The following CPT1A variants were observed in gnomAD, a reference collection of about 807,000 sequenced individuals.
CPT1A encodes carnitine palmitoyltransferase 1A.
Under a neutral mutation model 100.8 loss-of-function variants are expected in CPT1A, and 64 were observed. The ratio of observed to expected loss-of-function variants is 0.63; its 90% CI spans 0.52 to 0.78. The LOEUF is 0.78. Among genes scored for constraint, CPT1A ranks in the 30% least tolerant of loss-of-function variants. The pLI is 0.00. For synonymous variants in CPT1A, 363 were observed against 396.0 expected, an observed-to-expected ratio of 0.92 and a Z score of 0.99; for missense variants, 802 against 1,034.1, an observed-to-expected ratio of 0.78 and a Z score of 3.08.
At position 68,784,901 on chromosome 11, in the gene CPT1A, C is replaced by T. The variant is rs1432015707; in HGVS notation, c.1077G>A (p.Met359Ile). 2.5e-6 allele frequency: 4 copies of T among 1,614,114 alleles called. No individual in the cohort carries two copies. The highest frequency in any genetic ancestry group is 1.1e-5 in the South Asian group (1 of 91,086). The part of the protein sequence containing the change: ...HDGRLLKPRE[M>I]EQQMQRILDN... ...CCAGGATCCTCTGCATCTGCTGCTCCATCTCCCGGGGCTTCAGCAGCCGCC... is the reference window on the plus strand; with the variant it reads ...CCAGGATCCTCTGCATCTGCTGCTCTATCTCCCGGGGCTTCAGCAGCCGCC... Residue 359 changes from methionine to isoleucine, a missense_variant, in exon 10 of 19, where the codon ATG (methionine) becomes ATA (isoleucine). This residue lies in a region of CPT1A where 627 missense variants were observed against 799.3 expected (regional missense o/e 0.78). Transcript: ENST00000265641.
At position 68,794,869 on chromosome 11, in the gene CPT1A, C is replaced by T. The variant is rs1195506902; in HGVS notation, c.814G>A (p.Ala272Thr). ...AGGATGGCATGGATGGCGTTGCCGGCTCTTGCTGCCTGAATGTGAGTTGGA... is the reference window on the plus strand; with the variant it reads ...AGGATGGCATGGATGGCGTTGCCGGTTCTTGCTGCCTGAATGTGAGTTGGA... ...ILPTHIQAAR[A>T]GNAIHAILLY... is the part of the protein sequence containing the mutation. The change falls in exon 8 of 19, where the codon GCC becomes ACC. Residue 272 changes from alanine (A) to threonine (T), a missense_variant. Physicochemically the swap from Ala to Thr is moderately conservative, Grantham distance 58. Transcript: ENST00000265641. 6.2e-6 allele frequency: 10 copies of T among 1,614,090 alleles called. No individual in the cohort carries two copies. The highest frequency in any genetic ancestry group is 1.3e-5 in the African/African-American group (1 of 74,950).
Position 68,755,077 on chromosome 11 carries a change from G to A in CPT1A, c.*2567C>T, listed in dbSNP as rs1320192099. 1 of 520,242 alleles carries A rather than the reference G, an allele frequency of 1.9e-6. No homozygotes were observed. Among genetic ancestry groups the A allele is most frequent in the Non-Finnish European group, 3.4e-6 (1 of 291,392 alleles). The allele number at this position is 520,242 out of a possible 1,614,324, so 32.2% of individuals were successfully genotyped here. Reference sequence around the variant, plus strand: ...AGATAATACTCTTATCACCCCCCTTGGACATGTACAATAAGACCCCTCTTT... The same window carrying A: ...AGATAATACTCTTATCACCCCCCTTAGACATGTACAATAAGACCCCTCTTT... On this transcript the variant is annotated 3_prime_UTR_variant, in exon 19 of 19. Transcript: ENST00000265641.
At chr11:68,807,441 C>T in intron 4 of CPT1A, 26 bp downstream of exon 4, 1 of 1,610,332 alleles carries the variant, frequency 6.2e-7, no homozygotes, top group Non-Finnish European at 8.5e-7. Context: ...TCCACCCCCT[C>T]CACAGCCAGA....
chr11:68,814,929 C>T (rs182108727), intron 2 of CPT1A, among the ~76,000 whole-genome samples: 25 of 152,114 alleles, frequency 1.6e-4, no homozygotes, highest in Non-Finnish European at 2.4e-4. Context: ...TCAAGCAATC[C>T]GCCCACCTCA....
chr11:68,822,077 G>C (rs1237455541), intron 1 of CPT1A, among the ~76,000 whole-genome samples: 1 of 152,120 alleles, frequency 6.6e-6, no homozygotes, highest in Non-Finnish European at 1.5e-5. Flanking sequence ...TTCCTCAAAA[G>C]CTTAAATACA....
At chr11:68,817,816 C>T (rs1352185805) in intron 1 of CPT1A, among the ~76,000 whole-genome samples, 2 of 130,390 alleles carry the variant, frequency 1.5e-5, no homozygotes, top group East Asian at 4.5e-4. Flanking sequence ...GGCAGGGTGT[C>T]GGGTCAAAAG....
At chr11:68,841,990 G>A (rs1264604054), upstream of CPT1A, 1 of 983,356 alleles carries the variant, frequency 1.0e-6, no homozygotes, top group Non-Finnish European at 1.2e-6. This position sits in a 1 kb window ranked among gnomAD's most constrained non-coding sequence, Gnocchi z 6.3. Context: ...CCGGGGCCTC[G>A]GCGGGGCGGG....
intron 1 of CPT1A, among the ~76,000 whole-genome samples, chr11:68,838,588 A>AAAAAAAAAAAAAAAAAT (rs1857078988): frequency 6.7e-6 from 1 of 149,102 alleles, no homozygotes; most frequent in Non-Finnish European, 1.5e-5. Flanking sequence ...AAAAAAAAAA[A>AAAAAAAAAAAAAAAAAT]AAACAGAGAC....
chr11:68,820,875 T>C (rs1273211902), intron 1 of CPT1A, among the ~76,000 whole-genome samples: 5 of 152,092 alleles, frequency 3.3e-5, no homozygotes, highest in African/African-American at 1.2e-4. Context: ...CGTATACACA[T>C]CTGTCCCCCG....
At chr11:68,821,945 C>A (rs536717496) in intron 1 of CPT1A, among the ~76,000 whole-genome samples, 2 of 152,170 alleles carry the variant, frequency 1.3e-5, no homozygotes, top group Non-Finnish European at 2.9e-5. Context: ...ACTTCACACT[C>A]AGGAGGATGG....
intron 12 of CPT1A, among the ~76,000 whole-genome samples, chr11:68,777,903 T>C (rs1855183767): frequency 6.6e-6 from 1 of 152,184 alleles, no homozygotes; most frequent in South Asian, 2.1e-4. Context: ...TCTTGCTACG[T>C]CCAGAGACAC....
chr11:68,795,142 G>A (rs572815441), intron 7 of CPT1A, among the ~76,000 whole-genome samples: 1 of 152,180 alleles, frequency 6.6e-6, no homozygotes, highest in Non-Finnish European at 1.5e-5. Flanking sequence ...CGCTATTAAA[G>A]ATAACTATTT....
At chr11:68,823,817 A>AGAAT (rs1282042570) in intron 1 of CPT1A, among the ~76,000 whole-genome samples, 1 of 151,954 alleles carries the variant, frequency 6.6e-6, no homozygotes. Flanking sequence ...AAAGAAAGAA[A>AGAAT]TCATGTCCCT....
chr11:68,802,754 A>T (rs948695929), intron 5 of CPT1A, among the ~76,000 whole-genome samples: 12 of 151,498 alleles, frequency 7.9e-5, no homozygotes, highest in African/African-American at 2.4e-4. Flanking sequence ...AAATATTGCC[A>T]TATGTAGTGG....
downstream of CPT1A, chr11:68,754,794 T>A (rs1376179228): frequency 1.3e-6 from 1 of 781,032 alleles, no homozygotes; most frequent in South Asian, 1.3e-5. Flanking sequence ...TGTTTCCATA[T>A]GCTGAGACTT....
intron 14 of CPT1A, among the ~76,000 whole-genome samples, chr11:68,764,580 A>G (rs1223277525): frequency 2.0e-5 from 3 of 152,022 alleles, no homozygotes; most frequent in Non-Finnish European, 4.4e-5. Context: ...GGAGAGTCAG[A>G]CAGAGCACAG....
At chr11:68,773,636 G>C (rs948164657) in intron 13 of CPT1A, 1 of 813,656 alleles carries the variant, frequency 1.2e-6, no homozygotes, top group Non-Finnish European at 1.9e-6. Flanking sequence ...ATAGCAGGTA[G>C]CGGGTCTGAC....
At chr11:68,767,829 A>C (rs980414973) in intron 14 of CPT1A, among the ~76,000 whole-genome samples, 3 of 152,112 alleles carry the variant, frequency 2.0e-5, no homozygotes, top group Non-Finnish European at 4.4e-5. Flanking sequence ...TGTGTAACAA[A>C]TATGTAACTG....
intron 1 of CPT1A, among the ~76,000 whole-genome samples, chr11:68,819,203 C>G (rs1006095507): frequency 6.6e-6 from 1 of 152,124 alleles, no homozygotes; most frequent in African/African-American, 2.4e-5. Flanking sequence ...TTCAGCCTCC[C>G]GAGTAGCTGG....
Sources: allele counts gnomAD v4.1 joint callset (sites outside exome capture counted in the v4.1 genomes callset), GRCh38; gene constraint gnomAD v4.1.1; regional missense constraint gnomAD v4.1.1; non-coding constraint Gnocchi (gnomAD v3.1); transcripts MANE v1.5; gene names NCBI Gene and HGNC (gene_info 2026-07-23, HGNC 2026-07-21).